Variants in KCNIP4 observed in about 807,000 individuals in gnomAD.
The protein encoded by KCNIP4 is Kv channel-interacting protein 4.
In KCNIP4, 12 loss-of-function variants were observed where a neutral mutation model predicts 34.0. The observed-to-expected ratio is 0.35, with a 90% CI of 0.23 to 0.57. KCNIP4 has a LOEUF of 0.57. KCNIP4 is among the 20% of genes least tolerant of loss of function. KCNIP4 has a pLI of 0.83. For synonymous variants in KCNIP4, 124 were observed against 102.2 expected, an observed-to-expected ratio of 1.21 and a Z score of -1.29; for missense variants, 238 against 311.7, an observed-to-expected ratio of 0.76 and a Z score of 1.78.
At chr4:21,702,637 G>T (rs1191445176) in intron 1 of KCNIP4, among the ~76,000 whole-genome samples, 1 of 151,708 alleles carries the variant, frequency 6.6e-6, no homozygotes, top group Non-Finnish European at 1.5e-5. Flanking sequence ...AAAAACTTCA[G>T]ACCACATGGT....
intron 1 of KCNIP4, among the ~76,000 whole-genome samples, chr4:21,680,143 C>G (rs1750229417): frequency 6.6e-6 from 1 of 151,950 alleles, no homozygotes; most frequent in African/African-American, 2.4e-5. Flanking sequence ...TCAAACACTA[C>G]TGCTGTTTAT....
chr4:21,681,573 G>C (rs1577833165), intron 1 of KCNIP4, among the ~76,000 whole-genome samples: 1 of 152,172 alleles, frequency 6.6e-6, no homozygotes, highest in South Asian at 2.1e-4. Context: ...ACCAACCTCT[G>C]CTAGCTTCAA....
chr4:21,261,835 A>AC (rs1265491283), intron 1 of KCNIP4, among the ~76,000 whole-genome samples: 1 of 152,198 alleles, frequency 6.6e-6, no homozygotes, highest in Non-Finnish European at 1.5e-5. Flanking sequence ...TTACAGAATG[A>AC]CAGCCCTGCT....
intron 2 of KCNIP4, among the ~76,000 whole-genome samples, chr4:20,868,847 T>A (rs566201004): frequency 6.6e-6 from 1 of 152,034 alleles, no homozygotes; most frequent in Non-Finnish European, 1.5e-5. Context: ...AGGCGGGACA[T>A]TGAAAAACTA....
chr4:21,212,047 G>A (rs1336512070), intron 1 of KCNIP4, among the ~76,000 whole-genome samples: 1 of 152,166 alleles, frequency 6.6e-6, no homozygotes, highest in African/African-American at 2.4e-5. Context: ...GGCCCTGGCA[G>A]CATGCCTGTT....
At chr4:21,883,050 G>T (rs780709351) in intron 1 of KCNIP4, among the ~76,000 whole-genome samples, 2 of 151,774 alleles carry the variant, frequency 1.3e-5, no homozygotes, top group Non-Finnish European at 2.9e-5. Context: ...ATGCTCTCTA[G>T]GCCCAAGAAA....
rs187975504 is a variant in KCNIP4, at chr4:21,014,395, C to T, written c.62-131686G>A. Among the ~76,000 whole-genome samples the T allele has an allele frequency of 3.6e-4, 55 of 152,294 alleles. 1 individual carries two copies. The East Asian group carries it at 0.01, about 29-fold the overall frequency. ...CTCATCTTCTCCATCTCTGGAATCA[C>T]CTCGCCTTAAAGGAAACATCCAAAT... On this transcript the variant is annotated intron_variant, in intron 1 of 8. Coordinates refer to ENST00000382152, the MANE Select transcript of KCNIP4 (RefSeq NM_025221.6).
intron 1 of KCNIP4, among the ~76,000 whole-genome samples, chr4:21,192,927 A>G (rs923340489): frequency 1.9e-5 from 2 of 102,882 alleles, no homozygotes; most frequent in South Asian, 7.6e-4. Context: ...TACTACTACT[A>G]CTACTACTAC....
chr4:21,905,545 A>C (rs1727951293), intron 1 of KCNIP4, among the ~76,000 whole-genome samples: 1 of 152,154 alleles, frequency 6.6e-6, no homozygotes, highest in African/African-American at 2.4e-5. Context: ...TGATGAGTTC[A>C]TGTCCTTTGT....
chr4:21,853,964 G>A (rs1189130087), intron 1 of KCNIP4, among the ~76,000 whole-genome samples: 1 of 152,146 alleles, frequency 6.6e-6, no homozygotes, highest in Non-Finnish European at 1.5e-5. Context: ...TGAGACGATA[G>A]AAGAACCATA....
At chr4:21,792,519 ACG>A (rs1720364638) in intron 1 of KCNIP4, among the ~76,000 whole-genome samples, 1 of 152,232 alleles carries the variant, frequency 6.6e-6, no homozygotes, top group Non-Finnish European at 1.5e-5. Flanking sequence ...AAATGTCAAT[ACG>A]TGTGAAAGTG....
At chr4:20,833,023 G>T (rs977567951) in intron 3 of KCNIP4, among the ~76,000 whole-genome samples, 16 of 152,184 alleles carry the variant, frequency 1.1e-4, no homozygotes, top group African/African-American at 3.9e-4. Context: ...ACAGAACTAT[G>T]ACTAGGTCCA....
chr4:20,905,713 G>C (rs1305281345), intron 1 of KCNIP4, among the ~76,000 whole-genome samples: 2 of 151,198 alleles, frequency 1.3e-5, no homozygotes, highest in South Asian at 2.1e-4. Flanking sequence ...GTAGAGATGG[G>C]GTTTCACTGT....
chr4:20,947,211 C>T (rs1289623007), intron 1 of KCNIP4, among the ~76,000 whole-genome samples: 2 of 152,106 alleles, frequency 1.3e-5, no homozygotes, highest in African/African-American at 4.8e-5. Context: ...CTCTGCTGTC[C>T]AGGGTGGAGT....
intron 1 of KCNIP4, among the ~76,000 whole-genome samples, chr4:21,192,571 T>C (rs909327130): frequency 6.6e-6 from 1 of 152,152 alleles, no homozygotes; most frequent in Non-Finnish European, 1.5e-5. Context: ...CCGTATAATG[T>C]CAGGCAGGAT....
chr4:20,873,201 T>C (rs1320913844), intron 2 of KCNIP4, among the ~76,000 whole-genome samples: 2 of 152,208 alleles, frequency 1.3e-5, no homozygotes, highest in African/African-American at 4.8e-5. Context: ...AGCTTTGGTA[T>C]TATGCCATTG....
At chr4:21,202,406 C>T (rs542925507) in intron 1 of KCNIP4, among the ~76,000 whole-genome samples, 2 of 152,212 alleles carry the variant, frequency 1.3e-5, no homozygotes, top group East Asian at 3.9e-4. Flanking sequence ...AAGATGGAAA[C>T]AATAGGCACT....
At chr4:21,355,132 T>C (rs1718436986) in intron 1 of KCNIP4, among the ~76,000 whole-genome samples, 1 of 152,190 alleles carries the variant, frequency 6.6e-6, no homozygotes, top group African/African-American at 2.4e-5. Context: ...TACCAGATTC[T>C]CTGGAACACA....
intron 1 of KCNIP4, among the ~76,000 whole-genome samples, chr4:21,564,517 G>A (rs1339365063): frequency 2.0e-5 from 3 of 152,104 alleles, no homozygotes; most frequent in Non-Finnish European, 4.4e-5. Flanking sequence ...TCTGCTCATT[G>A]TCACATATGC....
Sources: gnomAD v4.1 joint callset for allele counts (sites outside exome capture counted in the v4.1 genomes callset) on GRCh38, gnomAD v4.1.1 for gene constraint, MANE v1.5 for transcripts, NCBI Gene and HGNC (gene_info 2026-07-23, HGNC 2026-07-21) for gene names.